The following CLIP1 variants were observed in gnomAD, a reference collection of about 807,000 sequenced individuals.
CLIP1 encodes the protein CAP-Gly domain containing linker protein 1.
CLIP1 carries 66 observed loss-of-function variants against 161.6 expected under a neutral mutation model. That is an observed-to-expected ratio of 0.41 (90% CI 0.33 to 0.50). CLIP1 has a LOEUF of 0.50. CLIP1 is among the 20% of genes least tolerant of loss of function. The pLI is 0.27. For missense variants in CLIP1, 1,376 were observed against 1,702.0 expected, an observed-to-expected ratio of 0.81 and a Z score of 3.37; for synonymous variants, 598 against 626.2, an observed-to-expected ratio of 0.96 and a Z score of 0.67.
At position 122,347,379 on chromosome 12, in the gene CLIP1, G is replaced by C; in HGVS notation, c.1502C>G (p.Thr501Ser). ...ADKLQRELEDTRVATVSEKSR... is the reference protein window; with the variant it reads ...ADKLQRELEDSRVATVSEKSR... Reference sequence around the variant, plus strand: ...TTAAATAGTGAAAACCATTACCCTAGTGTCTTCTAACTCCCTCTGGAGTTT... The same window carrying C: ...TTAAATAGTGAAAACCATTACCCTACTGTCTTCTAACTCCCTCTGGAGTTT... Residue 501 changes from threonine (T) to serine (S), a missense_variant, in exon 10 of 26, where the codon ACT becomes AGT. By Grantham distance (58) the Thr-to-Ser change is moderately conservative. Transcript: ENST00000620786. 3.7e-6 allele frequency: 6 copies of C among 1,606,120 alleles called. No individual in the cohort carries two copies. The highest frequency in any genetic ancestry group is 5.1e-6 in the Non-Finnish European group (6 of 1,172,832).
rs372098284 is a variant in CLIP1, at chr12:122,380,408, G to C, written c.45C>G (p.Ile15Met). 7.9e-5 allele frequency: 128 copies of C among 1,613,606 alleles called. No individual in the cohort carries two copies. Among genetic ancestry groups the C allele is most frequent in the Non-Finnish European group, 1.0e-4 (118 of 1,179,814 alleles). ...KPSGLKAPTKILKPGSTALKT... is the reference protein window; with the variant it reads ...KPSGLKAPTKMLKPGSTALKT... ...TCAGAGCTGTGCTTCCAGGCTTCAGGATCTTGGTGGGGGCCTTAAGCCCAC... is the reference window on the plus strand; with the variant it reads ...TCAGAGCTGTGCTTCCAGGCTTCAGCATCTTGGTGGGGGCCTTAAGCCCAC... Residue 15 changes from isoleucine to methionine, a missense_variant, in exon 2 of 26, where the codon ATC (isoleucine) becomes ATG (methionine). Ile to Met is a conservative substitution (Grantham distance 10). Coordinates refer to ENST00000620786, the MANE Select transcript of CLIP1 (RefSeq NM_001247997.2).
chr12:122,346,611 T>A (rs1205409551), intron 10 of CLIP1, among the ~76,000 whole-genome samples: 1 of 152,138 alleles, frequency 6.6e-6, no homozygotes, highest in Non-Finnish European at 1.5e-5. Flanking sequence ...CAAGCAATCC[T>A]CCTGCCTCAG....
At chr12:122,349,752 G>T (rs1049897186) in intron 9 of CLIP1, among the ~76,000 whole-genome samples, 7 of 152,216 alleles carry the variant, frequency 4.6e-5, no homozygotes, top group East Asian at 1.9e-4. Flanking sequence ...AAGGCAGGGG[G>T]GAAATCCCAT....
chr12:122,289,830 TAC>T lies in CLIP1; in HGVS notation c.3595-1291_3595-1290del, dbSNP rs1175388183. Among the ~76,000 whole-genome samples, 4 of 151,194 alleles carry T rather than the reference TAC, an allele frequency of 2.6e-5. No individual in the cohort carries two copies. In the East Asian group the frequency reaches 7.8e-4, roughly 30 times the overall value. The stretch of plus-strand genomic sequence containing the variant: ...GTTTTTTTTTTTTTTTCTTTTTTGA[TAC>T]AGAGTCTTGCTCTGTTGCCCAGCTG... On this transcript the variant is annotated intron_variant, in intron 20 of 25. Coordinates refer to ENST00000620786, the MANE Select transcript of CLIP1 (RefSeq NM_001247997.2).
Position 122,355,617 on chromosome 12 carries a change from C to A in CLIP1, c.1006-305G>T. The A allele has an allele frequency of 3.3e-6, 1 of 301,568 alleles. No homozygotes were observed. Among genetic ancestry groups the A allele is most frequent in the Admixed American group, 5.0e-5 (1 of 20,032 alleles). 18.7% of individuals were successfully genotyped at this position (301,568 alleles called of 1,614,324 possible). On this transcript the variant is annotated intron_variant, in intron 5 of 25. Transcript: ENST00000620786. The surrounding 1 kb of genome is among the most constrained non-coding windows in gnomAD (Gnocchi z 4.1). The stretch of plus-strand genomic sequence containing the variant: ...TGAGGCCAGGAGTTTGAGACCTGGC[C>A]AAGATGATGAGACCCCATCTCTACT...
chr12:122,336,209 C>A (rs542925604), intron 12 of CLIP1, among the ~76,000 whole-genome samples: 24 of 152,214 alleles, frequency 1.6e-4, no homozygotes, highest in South Asian at 1.0e-3. Flanking sequence ...AGCATCCTGC[C>A]TCGCCAACAG....
At chr12:122,376,035 T>C (rs566094953) in intron 3 of CLIP1, among the ~76,000 whole-genome samples, 1 of 152,060 alleles carries the variant, frequency 6.6e-6, no homozygotes, top group East Asian at 1.9e-4. Flanking sequence ...ACCTCCTGGG[T>C]TTAAGTGATT....
intron 1 of CLIP1, among the ~76,000 whole-genome samples, chr12:122,399,095 C>T (rs1159255984): frequency 1.3e-5 from 2 of 152,086 alleles, no homozygotes; most frequent in African/African-American, 2.4e-5. Context: ...GTTATGTTTA[C>T]TCCTATTTTT....
chr12:122,405,930 T>A (rs905718395), intron 1 of CLIP1, among the ~76,000 whole-genome samples: 2 of 151,494 alleles, frequency 1.3e-5, no homozygotes. Flanking sequence ...TAGCCGGGCA[T>A]GGCGGCAGCT....
At chr12:122,300,407 G>A (rs1403517416) in intron 20 of CLIP1, among the ~76,000 whole-genome samples, 2 of 152,080 alleles carry the variant, frequency 1.3e-5, no homozygotes, top group Non-Finnish European at 2.9e-5. Context: ...ATAAATCGAA[G>A]TAAACAAAAT....
At chr12:122,342,225 A>C (rs1952542529) in intron 10 of CLIP1, 1 of 152,264 alleles carries the variant, frequency 6.6e-6, no homozygotes, top group African/African-American at 2.4e-5. Flanking sequence ...ATTCTAAAGA[A>C]GCTTAAATCA....
chr12:122,413,247 A>G (rs115961897), intron 1 of CLIP1, among the ~76,000 whole-genome samples: 1,944 of 152,172 alleles, frequency 0.013, 42 homozygotes, highest in African/African-American at 0.039. Flanking sequence ...ATCCCTACTG[A>G]CTCTTATCTT....
rs1480396566 is a variant in CLIP1 at position 122,271,581 on chromosome 12, AAC to A, written c.*1292_*1293del. 6.5e-6 allele frequency: 1 copy of A among 152,674 alleles called. No homozygotes were observed. The highest frequency in any genetic ancestry group is 2.4e-5 in the African/African-American group (1 of 41,452). 9.5% of individuals were successfully genotyped at this position (152,674 alleles called of 1,614,324 possible). On this transcript the variant is annotated 3_prime_UTR_variant, in exon 26 of 26. Transcript: ENST00000620786. Reference sequence around the variant, plus strand: ...GTACCAGATTGAATATTCACTGTCGAACACACAGTTGATAATCTTGAGGGGAA... The same window carrying A: ...GTACCAGATTGAATATTCACTGTCGAACACAGTTGATAATCTTGAGGGGAA...
rs544086879 is a variant in CLIP1 at position 122,312,006 on chromosome 12, C to A, written c.3474-2124G>T. Among the ~76,000 whole-genome samples, 68 of 152,220 alleles carry A rather than the reference C, an allele frequency of 4.5e-4. 1 individual carries two copies. In the South Asian group the frequency reaches 0.011, roughly 24 times the overall value. ...TCATAGAGGAAAGAGGCTCCAATAA[C>A]CCAAATTCTGGAAATACTCAAGGAA... On this transcript the variant is annotated intron_variant, in intron 19 of 25. Transcript: ENST00000620786.
chr12:122,405,277 G>A (rs980258982), intron 1 of CLIP1, among the ~76,000 whole-genome samples: 18 of 152,064 alleles, frequency 1.2e-4, no homozygotes, highest in African/African-American at 2.9e-4. Context: ...ACGCGTTCTC[G>A]CAAGTACTAT....
chr12:122,293,804 T>A (rs1009872127), intron 20 of CLIP1, among the ~76,000 whole-genome samples: 1 of 110,576 alleles, frequency 9.0e-6, no homozygotes, highest in Non-Finnish European at 1.7e-5. Context: ...TTTTTGTTTT[T>A]TGTTTTTTGT....
Position 122,364,123 on chromosome 12 carries a change from G to A in CLIP1, c.658-16C>T, listed in dbSNP as rs1954011082. On this transcript the variant is annotated splice_polypyrimidine_tract_variant and intron_variant, in intron 3 of 25. Coordinates refer to ENST00000620786, the MANE Select transcript of CLIP1 (RefSeq NM_001247997.2). ...TGCCACCAACCTGGAAGAAGAGAAG[G>A]TTAAAATAAAGAGATGAACATCACT... 1.2e-6 allele frequency: 2 copies of A among 1,613,984 alleles called. No homozygotes were observed. Among genetic ancestry groups the A allele is most frequent in the African/African-American group, 1.3e-5 (1 of 75,032 alleles).
Position 122,330,597 on chromosome 12 carries a change from G to GTTTTTTTTTTTTTGTTTTTTTTTTTTT in CLIP1, c.2868-2172_2868-2171insAAAAAAAAAAAAACAAAAAAAAAAAAA, listed in dbSNP as rs1555265518. Among the ~76,000 whole-genome samples, 9 of 101,380 alleles carry GTTTTTTTTTTTTTGTTTTTTTTTTTTT rather than the reference G, an allele frequency of 8.9e-5. 1 individual carries two copies. Among genetic ancestry groups the GTTTTTTTTTTTTTGTTTTTTTTTTTTT allele is most frequent in the African/African-American group, 3.5e-4 (8 of 22,780 alleles). The allele number at this position is 101,380 out of a possible 152,430, so 66.5% of individuals were successfully genotyped here. On this transcript the variant is annotated intron_variant, in intron 15 of 25. Coordinates refer to ENST00000620786, the MANE Select transcript of CLIP1 (RefSeq NM_001247997.2). ...TTCAGCACTGAAGAAGTATAATGCAGTTTTTTTTTTTTTTTTTTTTGAGAT... is the reference window on the plus strand; with the variant it reads ...TTCAGCACTGAAGAAGTATAATGCAGTTTTTTTTTTTTTGTTTTTTTTTTTTTTTTTTTTTTTTTTTTTTTTTGAGAT...
chr12:122,357,167 G>C (rs1020103494), intron 5 of CLIP1, among the ~76,000 whole-genome samples: 2 of 150,156 alleles, frequency 1.3e-5, no homozygotes, highest in Admixed American at 6.6e-5. Flanking sequence ...GCCTCTTCCC[G>C]GCCGCCGTCC....
Sources: gnomAD v4.1 joint callset for allele counts (sites outside exome capture counted in the v4.1 genomes callset) on GRCh38, gnomAD v4.1.1 for gene constraint, Gnocchi (gnomAD v3.1) non-coding constraint, MANE v1.5 for transcripts, NCBI Gene and HGNC (gene_info 2026-07-23, HGNC 2026-07-21) for gene names.